ALDH1B1: variants seen among roughly 807,000 people sequenced by gnomAD.
ALDH1B1 encodes aldehyde dehydrogenase 1 family member B1.
Under a neutral mutation model 26.2 loss-of-function variants are expected in ALDH1B1, and 19 were observed. That is an observed-to-expected ratio of 0.72 (90% CI 0.51 to 1.06). The LOEUF (loss-of-function observed/expected upper bound fraction) is 1.06. Ranked by LOEUF, ALDH1B1 falls within the 50% of genes least tolerant of loss-of-function variation. ALDH1B1 has a pLI of 0.00. For missense variants in ALDH1B1, 671 were observed against 683.1 expected (o/e 0.98, Z 0.20); for synonymous variants, 249 against 286.0 (o/e 0.87, Z 1.31).
Position 38,398,615 on chromosome 9 carries a change from A to G in ALDH1B1, c.*1313A>G, listed in dbSNP as rs1430863111. On this transcript the variant is annotated 3_prime_UTR_variant, in exon 2 of 2. Coordinates refer to ENST00000377698, the MANE Select transcript of ALDH1B1 (RefSeq NM_000692.5). ...CAGGTGGGAGCCACAACACCCGGCC[A>G]TGAATTAACTCCGTTAAAAAATAAA... The G allele has an allele frequency of 3.6e-5, 6 of 165,294 alleles. No individual in the cohort carries two copies. Among genetic ancestry groups the G allele is most frequent in the African/African-American group, 1.5e-4 (6 of 41,000 alleles). 10.2% of individuals were successfully genotyped at this position (165,294 alleles called of 1,614,324 possible).
Position 38,392,787 on chromosome 9 carries a change from C to T in ALDH1B1, c.-30C>T. The T allele has an allele frequency of 1.0e-6, 1 of 985,664 alleles. No individual in the cohort carries two copies. Among genetic ancestry groups the T allele is most frequent in the Non-Finnish European group, 1.2e-6 (1 of 830,122 alleles). 61.1% of individuals were successfully genotyped at this position (985,664 alleles called of 1,614,324 possible). The stretch of plus-strand genomic sequence containing the variant: ...CCAGAACCCAAGCGTGATCCTGAAC[C>T]GGAGCCCGAGCCTGCTGCAGGTAAC... On this transcript the variant is annotated 5_prime_UTR_variant, in exon 1 of 2. Coordinates refer to ENST00000377698, the MANE Select transcript of ALDH1B1 (RefSeq NM_000692.5).
Position 38,398,064 on chromosome 9 carries a change from A to G in ALDH1B1, c.*762A>G, listed in dbSNP as rs1178192611. The G allele has an allele frequency of 6.0e-6, 1 of 167,148 alleles. No homozygotes were observed. The highest frequency in any genetic ancestry group is 1.5e-5 in the Non-Finnish European group (1 of 68,144). The allele number at this position is 167,148 out of a possible 1,614,324, so 10.4% of individuals were successfully genotyped here. A position where few individuals can be genotyped will look rare whatever the true frequency, so the allele number is the denominator to read the frequency against. ...TCAGTGAAACAAGCCAGAGAGATGTACAAGGCTACAGACTGTATGATTCCA... is the reference window on the plus strand; with the variant it reads ...TCAGTGAAACAAGCCAGAGAGATGTGCAAGGCTACAGACTGTATGATTCCA... On this transcript the variant is annotated 3_prime_UTR_variant, in exon 2 of 2. Coordinates refer to ENST00000377698, the MANE Select transcript of ALDH1B1 (RefSeq NM_000692.5).
At chr9:38,393,823 C>CCCTTTTTTTTTTTTT (rs201502708) in intron 1 of ALDH1B1, among the ~76,000 whole-genome samples, 1 of 148,574 alleles carries the variant, frequency 6.7e-6, no homozygotes. Flanking sequence ...GTATCCCCCC[C>CCCTTTTTTTTTTTTT]TTTTTTTTTT....
chr9:38,394,301 T>G (rs1056611200), intron 1 of ALDH1B1, among the ~76,000 whole-genome samples: 1 of 152,144 alleles, frequency 6.6e-6, no homozygotes, highest in Non-Finnish European at 1.5e-5. Context: ...TATTATTATT[T>G]TTTTTAGATA....
chr9:38,396,349 G>A lies in ALDH1B1; in HGVS notation c.601G>A (p.Ala201Thr), dbSNP rs199527495. 125 of 1,614,056 alleles carry A rather than the reference G, an allele frequency of 7.7e-5. No homozygotes were observed. The African/African-American group carries it at 1.1e-3, about 14-fold the overall frequency. ...GGGTTGGAAACTTGCCCCGGCACTC[G>A]CCACAGGCAACACTGTGGTTATGAA... ...MQGWKLAPAL[A>T]TGNTVVMKVA... Residue 201 changes from alanine to threonine, a missense_variant, in exon 2 of 2, where the codon GCC becomes ACC. Ala to Thr is a moderately conservative substitution (Grantham distance 58, BLOSUM62 0). Coordinates refer to ENST00000377698, the MANE Select transcript of ALDH1B1 (RefSeq NM_000692.5).
At chr9:38,395,715 C>T (rs770976201) in intron 1 of ALDH1B1, 25 bp from the exon 2 acceptor site, 2 of 1,541,352 alleles carry the variant, frequency 1.3e-6, no homozygotes, top group South Asian at 1.3e-5. Flanking sequence ...ACCTGTTCAC[C>T]CTGGTTTCTT....
In ALDH1B1 at chr9:38,396,460, A is replaced by T; in HGVS notation, c.712A>T (p.Ile238Phe). ...CTTTCCCCCTGGGGTGGTGAACATC[A>T]TCACGGGGTATGGCCCAACAGCAGG... Reference protein sequence around the residue: ...AGFPPGVVNIITGYGPTAGAA... With the variant: ...AGFPPGVVNIFTGYGPTAGAA... Residue 238 changes from isoleucine to phenylalanine, a missense_variant, in exon 2 of 2, where the codon ATC becomes TTC. Physicochemically the swap from Ile to Phe is conservative, Grantham distance 21. Transcript: ENST00000377698. 1 of 1,614,102 alleles carries T rather than the reference A, an allele frequency of 6.2e-7. No homozygotes were observed.
Position 38,396,628 on chromosome 9 carries a change from G to A in ALDH1B1, c.880G>A (p.Val294Met), listed in dbSNP as rs191983749. 3.2e-5 allele frequency: 52 copies of A among 1,614,112 alleles called. No individual in the cohort carries two copies. Among genetic ancestry groups the A allele is most frequent in the African/African-American group, 2.4e-4 (18 of 75,062 alleles). The change falls in exon 2 of 2, where the codon GTG (valine) becomes ATG (methionine). Residue 294 changes from valine (V) to methionine (M), a missense_variant. By Grantham distance (21) the Val-to-Met change is conservative. Coordinates refer to ENST00000377698, the MANE Select transcript of ALDH1B1 (RefSeq NM_000692.5). The stretch of plus-strand genomic sequence containing the variant: ...GCTGGGTGGTAAGAGCCCCAGCATC[G>A]TGCTGGCCGATGCTGACATGGAGCA... ...LELGGKSPSI[V>M]LADADMEHAV...
chr9:38,392,735 A>C lies in ALDH1B1; in HGVS notation c.-82A>C, dbSNP rs1388271354. On this transcript the variant is annotated 5_prime_UTR_variant, in exon 1 of 2. The change abolishes an upstream ATG in the 5' untranslated region. Transcript: ENST00000377698. ...GACCTGCGGCCAGCCCTGGGCGGCC[A>C]TGTGGACAGAGCTGGGAGGGCCGGA... 4 of 985,600 alleles carry C rather than the reference A, an allele frequency of 4.1e-6. No individual in the cohort carries two copies. Among genetic ancestry groups the C allele is most frequent in the Non-Finnish European group, 4.8e-6 (4 of 830,076 alleles). The allele number at this position is 985,600 out of a possible 1,614,324, so 61.1% of individuals were successfully genotyped here.
rs149435349 is a variant in ALDH1B1 at position 38,396,262 on chromosome 9, C to T, written c.514C>T (p.Arg172Trp). 4.3e-6 allele frequency: 7 copies of T among 1,614,092 alleles called. No individual in the cohort carries two copies. Among genetic ancestry groups the T allele is most frequent in the East Asian group, 2.2e-5 (1 of 44,884 alleles). Reference sequence around the variant, plus strand: ...GGATGGCCAGCATTTCTGCTTCACCCGGCATGAGCCCGTTGGTGTCTGTGG... The same window carrying T: ...GGATGGCCAGCATTTCTGCTTCACCTGGCATGAGCCCGTTGGTGTCTGTGG... ...PMDGQHFCFT[R>W]HEPVGVCGQI... Residue 172 changes from arginine (R) to tryptophan (W), a missense_variant, in exon 2 of 2, where the codon CGG becomes TGG. Physicochemically the swap from Arg to Trp is moderately radical, Grantham distance 101. Coordinates refer to ENST00000377698, the MANE Select transcript of ALDH1B1 (RefSeq NM_000692.5).
chr9:38,395,373 C>T (rs1587403968), intron 1 of ALDH1B1, among the ~76,000 whole-genome samples: 1 of 152,048 alleles, frequency 6.6e-6, no homozygotes, highest in Non-Finnish European at 1.5e-5. Flanking sequence ...GGGAGACAGA[C>T]AAACATATAA....
Position 38,396,569 on chromosome 9 carries a change from C to A in ALDH1B1, c.821C>A (p.Ala274Asp), listed in dbSNP as rs775821681. 1.2e-6 allele frequency: 2 copies of A among 1,613,838 alleles called. No homozygotes were observed. The highest frequency in any genetic ancestry group is 1.7e-6 in the Non-Finnish European group (2 of 1,180,028). The part of the protein sequence containing the change: ...TEVGHLIQKA[A>D]GDSNLKRVTL... ...GTGGGCCACCTGATCCAGAAAGCAGCTGGCGATTCCAACCTCAAGAGAGTC... is the reference window on the plus strand; with the variant it reads ...GTGGGCCACCTGATCCAGAAAGCAGATGGCGATTCCAACCTCAAGAGAGTC... Residue 274 changes from alanine to aspartate, a missense_variant, in exon 2 of 2, where the codon GCT becomes GAT. Coordinates refer to ENST00000377698, the MANE Select transcript of ALDH1B1 (RefSeq NM_000692.5).
chr9:38,394,091 AC>A (rs1364070707), intron 1 of ALDH1B1, among the ~76,000 whole-genome samples: 5 of 152,200 alleles, frequency 3.3e-5, no homozygotes. Context: ...CAGGGGCAGG[AC>A]TTGCATCAGG....
At position 38,395,871 on chromosome 9, in the gene ALDH1B1, C is replaced by G; in HGVS notation, c.123C>G (p.Ile41Met). Residue 41 changes from isoleucine to methionine, a missense_variant, in exon 2 of 2, where the codon ATC becomes ATG. Physicochemically the swap from Ile to Met is conservative, Grantham distance 10 (BLOSUM62 1). Coordinates refer to ENST00000377698, the MANE Select transcript of ALDH1B1 (RefSeq NM_000692.5). ...NPDIPYNQLF[I>M]NNEWQDAVSK... ...ACATCCCCTACAACCAGCTGTTCAT[C>G]AACAATGAATGGCAAGATGCAGTCA... The G allele has an allele frequency of 6.2e-7, 1 of 1,613,760 alleles. No individual in the cohort carries two copies. Among genetic ancestry groups the G allele is most frequent in the Non-Finnish European group, 8.5e-7 (1 of 1,180,038 alleles).
intron 1 of ALDH1B1, among the ~76,000 whole-genome samples, chr9:38,394,219 A>G (rs1052830283): frequency 6.6e-6 from 1 of 152,188 alleles, no homozygotes; most frequent in Non-Finnish European, 1.5e-5. Context: ...CGAGTGTTCA[A>G]TTTCCTTAGG....
In ALDH1B1 at chr9:38,396,744, C is replaced by T. The variant is rs1252834501; in HGVS notation, c.996C>T (p.Tyr332=). 6.2e-7 allele frequency: 1 copy of T among 1,614,104 alleles called. No individual in the cohort carries two copies. Among genetic ancestry groups the T allele is most frequent in the East Asian group, 2.2e-5 (1 of 44,890 alleles). Residue 332 remains tyrosine, a synonymous_variant, in exon 2 of 2, where the codon TAC becomes TAT. Coordinates refer to ENST00000377698, the MANE Select transcript of ALDH1B1 (RefSeq NM_000692.5). ...GSRTFVEESI[Y]NEFLERTVEK... is the part of the protein sequence containing the mutation. ...GGACCTTCGTGGAAGAATCCATCTA[C>T]AATGAGTTTCTCGAGAGAACCGTGG...
chr9:38,397,233 TGAGGATGG>T lies in ALDH1B1; in HGVS notation c.1487_1494del (p.Glu496AlafsTer2). 1 of 1,613,972 alleles carries T rather than the reference TGAGGATGG, an allele frequency of 6.2e-7. No individual in the cohort carries two copies. Among genetic ancestry groups the T allele is most frequent in the Non-Finnish European group, 8.5e-7 (1 of 1,179,982 alleles). ...AATCTGGAAACGGGAGGGAGCTGGG[TGAGGATGG>T]GCTTAAGGCCTACACAGAGGTAAAG... On this transcript the variant is annotated frameshift_variant, in exon 2 of 2. Coordinates refer to ENST00000377698, the MANE Select transcript of ALDH1B1 (RefSeq NM_000692.5). LOFTEE classifies it high-confidence loss of function.
At position 38,396,301 on chromosome 9, in the gene ALDH1B1, T is replaced by C. The variant is rs1821283578; in HGVS notation, c.553T>C (p.Trp185Arg). The C allele has an allele frequency of 6.2e-7, 1 of 1,613,994 alleles. No homozygotes were observed. The highest frequency in any genetic ancestry group is 1.3e-5 in the African/African-American group (1 of 74,916). Residue 185 changes from tryptophan to arginine, a missense_variant, in exon 2 of 2, where the codon TGG becomes CGG. Transcript: ENST00000377698. ...PVGVCGQIIP[W>R]NFPLVMQGWK... ...TGGTGTCTGTGGCCAGATCATCCCG[T>C]GGAACTTCCCCTTGGTCATGCAGGG... is the stretch of plus-strand genomic sequence containing the variant.
At chr9:38,394,491 C>A in intron 1 of ALDH1B1, 1 of 593,620 alleles carries the variant, frequency 1.7e-6, no homozygotes, top group Non-Finnish European at 2.1e-6. Flanking sequence ...ACGGTTCTTG[C>A]TATGTGCTCA....
Sources: gnomAD v4.1 joint callset for allele counts (sites outside exome capture counted in the v4.1 genomes callset) on GRCh38, gnomAD v4.1.1 for gene constraint, MANE v1.5 for transcripts, NCBI Gene and HGNC (gene_info 2026-07-23, HGNC 2026-07-21) for gene names.